CTNNA3: variants seen among roughly 807,000 people sequenced by gnomAD.
The protein encoded by CTNNA3 is catenin alpha-3.
CTNNA3 carries 76 observed loss-of-function variants against 95.7 expected under a neutral mutation model. The ratio of observed to expected loss-of-function variants is 0.79; its 90% CI spans 0.66 to 0.96. The LOEUF is 0.96. Among genes scored for constraint, CTNNA3 ranks in the 40% least tolerant of loss-of-function variants. The pLI, the probability that CTNNA3 is intolerant of heterozygous loss-of-function variation, is 0.00. For missense variants in CTNNA3, 1,191 were observed against 1,089.8 expected, an observed-to-expected ratio of 1.09 and a Z score of -1.31; for synonymous variants, 431 against 374.4, an observed-to-expected ratio of 1.15 and a Z score of -1.74.
intron 11 of CTNNA3, among the ~76,000 whole-genome samples, chr10:66,499,264 C>T (rs1298540140): frequency 6.6e-6 from 1 of 152,068 alleles, no homozygotes; most frequent in Admixed American, 6.5e-5. Context: ...TTAAATCATG[C>T]AAAATTATCC....
intron 7 of CTNNA3, among the ~76,000 whole-genome samples, chr10:67,088,732 A>C (rs1189255703): frequency 1.3e-5 from 2 of 152,046 alleles, no homozygotes; most frequent in Non-Finnish European, 2.9e-5. Flanking sequence ...ATACCACTAA[A>C]AGAATTATTA....
chr10:67,526,731 A>C (rs1379996492), intron 4 of CTNNA3, among the ~76,000 whole-genome samples: 1 of 152,238 alleles, frequency 6.6e-6, no homozygotes, highest in Non-Finnish European at 1.5e-5. Context: ...CAGATTTTAC[A>C]ATCTAGCTTT....
rs909184488 is a variant in CTNNA3 at position 67,204,575 on chromosome 10, T to C, written c.843+15032A>G. Among the ~76,000 whole-genome samples, 8 of 152,126 alleles carry C rather than the reference T, an allele frequency of 5.3e-5. No individual in the cohort carries two copies. In the South Asian group the frequency reaches 1.2e-3, roughly 24 times the overall value. The stretch of plus-strand genomic sequence containing the variant: ...TCATAGCAGTGCAAGAACAGACTAA[T>C]ACAGCTACTAATAAGAAAGCTGAAT... On this transcript the variant is annotated intron_variant, in intron 6 of 17. Coordinates refer to ENST00000433211, the MANE Select transcript of CTNNA3 (RefSeq NM_013266.4).
chr10:67,679,902 A>G (rs771974797), intron 1 of CTNNA3, among the ~76,000 whole-genome samples: 10 of 152,216 alleles, frequency 6.6e-5, no homozygotes, highest in Non-Finnish European at 1.0e-4. Flanking sequence ...ATACGAACAA[A>G]GATGTATATC....
chr10:66,788,606 T>G (rs1840841894), intron 7 of CTNNA3, among the ~76,000 whole-genome samples: 1 of 152,152 alleles, frequency 6.6e-6, no homozygotes, highest in Non-Finnish European at 1.5e-5. Flanking sequence ...GTTAGAAAGC[T>G]GAGGATATTA....
intron 7 of CTNNA3, among the ~76,000 whole-genome samples, chr10:67,033,190 T>C (rs1233541254): frequency 6.6e-6 from 1 of 152,218 alleles, no homozygotes; most frequent in Non-Finnish European, 1.5e-5. Context: ...TCAAGTCCTC[T>C]TGAATTTTGA....
At chr10:67,175,829 T>C (rs1453597480) in intron 7 of CTNNA3, among the ~76,000 whole-genome samples, 1 of 152,202 alleles carries the variant, frequency 6.6e-6, no homozygotes. Context: ...ACATGATGGC[T>C]GCCTACCTAC....
intron 10 of CTNNA3, among the ~76,000 whole-genome samples, chr10:66,534,649 T>A (rs1354012822): frequency 1.3e-5 from 2 of 150,034 alleles, no homozygotes; most frequent in Admixed American, 6.7e-5. Context: ...AATCTTTGTA[T>A]CTTTTTATTT....
intron 12 of CTNNA3, among the ~76,000 whole-genome samples, chr10:66,300,017 C>T (rs557195368): frequency 5.3e-5 from 8 of 152,104 alleles, no homozygotes; most frequent in Admixed American, 6.5e-5. Flanking sequence ...CTCAGCCTCC[C>T]GAGTAGCTGG....
intron 5 of CTNNA3, among the ~76,000 whole-genome samples, chr10:67,514,275 G>C (rs1311053995): frequency 1.3e-5 from 2 of 152,072 alleles, no homozygotes; most frequent in Non-Finnish European, 2.9e-5. Context: ...ACTCCAGCCT[G>C]GGTAACAGAG....
intron 7 of CTNNA3, among the ~76,000 whole-genome samples, chr10:66,986,862 G>A (rs1312222923): frequency 6.6e-6 from 1 of 152,008 alleles, no homozygotes; most frequent in African/African-American, 2.4e-5. Flanking sequence ...CCTACTATGG[G>A]ATTACACTAG....
At chr10:66,896,731 G>T (rs1463889520) in intron 7 of CTNNA3, among the ~76,000 whole-genome samples, 1 of 152,148 alleles carries the variant, frequency 6.6e-6, no homozygotes, top group Admixed American at 6.5e-5. Flanking sequence ...CCTCTTGCTA[G>T]CGTCCATGCT....
At chr10:66,033,176 G>C (rs2133463613) in intron 15 of CTNNA3, among the ~76,000 whole-genome samples, 1 of 143,474 alleles carries the variant, frequency 7.0e-6, no homozygotes, top group South Asian at 2.2e-4. Context: ...TGTCACCCAG[G>C]CTGGAGTGCA....
chr10:66,687,700 C>CATAT (rs138007950), intron 9 of CTNNA3, among the ~76,000 whole-genome samples: 2 of 147,290 alleles, frequency 1.4e-5, no homozygotes, highest in Non-Finnish European at 3.0e-5. Context: ...TGTATTGATT[C>CATAT]ATATATATAT....
intron 3 of CTNNA3, among the ~76,000 whole-genome samples, chr10:67,566,028 CACAT>C (rs1489683629): frequency 4.7e-5 from 2 of 42,366 alleles, no homozygotes; most frequent in African/African-American, 2.6e-4. Context: ...CACACACACA[CACAT>C]ATGTGTGTGT....
At chr10:66,568,397 G>A (rs769632260) in intron 10 of CTNNA3, among the ~76,000 whole-genome samples, 1 of 152,054 alleles carries the variant, frequency 6.6e-6, no homozygotes, top group Non-Finnish European at 1.5e-5. Context: ...TGAAAATAAG[G>A]CAATTTCAAT....
chr10:66,867,034 G>A (rs1844206866), intron 7 of CTNNA3, among the ~76,000 whole-genome samples: 1 of 152,040 alleles, frequency 6.6e-6, no homozygotes, highest in South Asian at 2.1e-4. Flanking sequence ...TTTCTCTCTT[G>A]TCTGCTGCCA....
intron 15 of CTNNA3, among the ~76,000 whole-genome samples, chr10:65,996,159 C>G (rs2078653166): frequency 6.6e-6 from 1 of 152,144 alleles, no homozygotes; most frequent in South Asian, 2.1e-4. Context: ...CTTCAGTGTC[C>G]AGAATTGGTG....
chr10:66,248,654 G>T (rs1362895172), intron 13 of CTNNA3, among the ~76,000 whole-genome samples: 1 of 152,106 alleles, frequency 6.6e-6, no homozygotes, highest in Non-Finnish European at 1.5e-5. Context: ...CAAAGAAAGT[G>T]ATTATATAAT....
Sources: gnomAD v4.1 joint callset for allele counts (sites outside exome capture counted in the v4.1 genomes callset) on GRCh38, gnomAD v4.1.1 for gene constraint, MANE v1.5 for transcripts, NCBI Gene and HGNC (gene_info 2026-07-23, HGNC 2026-07-21) for gene names.